Variants in FAM163A observed in about 807,000 individuals in gnomAD.
FAM163A encodes the protein family with sequence similarity 163 member A, also known as protein FAM163A.
In FAM163A, 7 loss-of-function variants were observed where a neutral mutation model predicts 12.0. The ratio of observed to expected loss-of-function variants is 0.58; its 90% CI spans 0.33 to 1.10. FAM163A has a LOEUF of 1.10. FAM163A is among the 50% of genes least tolerant of loss of function. The pLI, the probability that FAM163A is intolerant of heterozygous loss-of-function variation, is 0.03. For missense variants in FAM163A, 202 were observed against 218.6 expected, an observed-to-expected ratio of 0.92 and a Z score of 0.48; for synonymous variants, 101 against 91.0, an observed-to-expected ratio of 1.11 and a Z score of -0.62.
chr1:179,745,876 A>G (rs368195274), intron 1 of FAM163A, among the ~76,000 whole-genome samples: 1 of 152,160 alleles, frequency 6.6e-6, no homozygotes, highest in Non-Finnish European at 1.5e-5. Flanking sequence ...CTTTCTTCCA[A>G]TTAAGAACAG....
intron 1 of FAM163A, among the ~76,000 whole-genome samples, chr1:179,768,991 G>A (rs149145472): frequency 1.1e-4 from 16 of 152,256 alleles, no homozygotes; most frequent in African/African-American, 3.8e-4. Context: ...TTTTTAAAAA[G>A]ACTTTTAGAG....
At chr1:179,800,417 GT>G (rs1437777107) in intron 1 of FAM163A, among the ~76,000 whole-genome samples, 1 of 152,228 alleles carries the variant, frequency 6.6e-6, no homozygotes, top group African/African-American at 2.4e-5. Flanking sequence ...GAGCACCTCT[GT>G]TTATCTGCAG....
the FAM163A span, among the ~76,000 whole-genome samples, chr1:179,730,870 A>G: frequency 1.3e-5 from 2 of 152,238 alleles, no homozygotes; most frequent in Non-Finnish European, 2.9e-5. Flanking sequence ...TGGTAGGGAA[A>G]ACAACAGGAA....
intron 1 of FAM163A, among the ~76,000 whole-genome samples, chr1:179,801,145 A>G (rs2794586): frequency 0.34 from 51,072 of 152,010 alleles, 8,847 homozygotes; most frequent in Middle Eastern, 0.47. Context: ...TTGGATTGCC[A>G]CAGAGAAGAA....
chr1:179,792,283 T>TTGTGTGTGTGTGTGTG (rs3075152), intron 1 of FAM163A, among the ~76,000 whole-genome samples: 64 of 133,658 alleles, frequency 4.8e-4, no homozygotes, highest in African/African-American at 1.3e-3. Context: ...CCATATCTGA[T>TTGTGTGTGTGTGTGTG]TGTGTGTGTG....
At chr1:179,733,773 G>A in the FAM163A span, among the ~76,000 whole-genome samples, 1 of 152,166 alleles carries the variant, frequency 6.6e-6, no homozygotes, top group African/African-American at 2.4e-5. Context: ...TCACTCACCA[G>A]AATGCATGCT....
intron 1 of FAM163A, among the ~76,000 whole-genome samples, chr1:179,763,272 C>T (rs1176183827): frequency 6.6e-6 from 1 of 152,170 alleles, no homozygotes; most frequent in Non-Finnish European, 1.5e-5. Flanking sequence ...TGTAACTTTC[C>T]CTTACAAAAG....
chr1:179,744,701 C>T lies in FAM163A; in HGVS notation c.-136+1278C>T, dbSNP rs575210226. Among the ~76,000 whole-genome samples the T allele has an allele frequency of 8.7e-4, 132 of 152,258 alleles. 1 individual carries two copies. The highest frequency in any genetic ancestry group is 7.7e-3 in the Admixed American group (118 of 15,300). On this transcript the variant is annotated intron_variant, in intron 1 of 4. Coordinates refer to ENST00000341785, the MANE Select transcript of FAM163A (RefSeq NM_173509.3). ...ACCTGCAGGCGGAGGCCCGCAGGCACTTTCTCCTGTCATTTCGCCCACCTG... is the reference window on the plus strand; with the variant it reads ...ACCTGCAGGCGGAGGCCCGCAGGCATTTTCTCCTGTCATTTCGCCCACCTG...
chr1:179,733,123 T>A, the FAM163A span, among the ~76,000 whole-genome samples: 3 of 152,108 alleles, frequency 2.0e-5, no homozygotes, highest in African/African-American at 7.2e-5. Flanking sequence ...AGCTATCATG[T>A]ATTGCATTCT....
upstream of FAM163A, among the ~76,000 whole-genome samples, chr1:179,739,819 G>A (rs1683419460): frequency 6.6e-6 from 1 of 152,188 alleles, no homozygotes; most frequent in Non-Finnish European, 1.5e-5. Flanking sequence ...TCTGACATCA[G>A]TAGTCATTAG....
intron 1 of FAM163A, among the ~76,000 whole-genome samples, chr1:179,747,258 C>A (rs1684609837): frequency 6.6e-6 from 1 of 152,090 alleles, no homozygotes. Context: ...GTTGTCACTG[C>A]ATCAATCAGT....
chr1:179,806,391 A>C (rs1693939101), intron 1 of FAM163A, among the ~76,000 whole-genome samples: 1 of 152,198 alleles, frequency 6.6e-6, no homozygotes, highest in African/African-American at 2.4e-5. Flanking sequence ...CCAAGGCAGG[A>C]GCTGGGAGAG....
chr1:179,775,454 G>A (rs1688823973), intron 1 of FAM163A, among the ~76,000 whole-genome samples: 1 of 152,214 alleles, frequency 6.6e-6, no homozygotes. Context: ...TTAGGCATGG[G>A]AAGTTAGGGT....
At chr1:179,731,194 CAG>C in the FAM163A span, among the ~76,000 whole-genome samples, 402 of 152,220 alleles carry the variant, frequency 2.6e-3, 2 homozygotes, top group African/African-American at 8.9e-3. Flanking sequence ...AGTATACAGT[CAG>C]GGGACAAATA....
chr1:179,742,489 A>G (rs538691000), upstream of FAM163A: 1 of 152,308 alleles, frequency 6.6e-6, no homozygotes, highest in Non-Finnish European at 1.5e-5. Flanking sequence ...CAGGATCAAG[A>G]GAAAGATGAT....
At chr1:179,767,166 T>C (rs1687623590) in intron 1 of FAM163A, among the ~76,000 whole-genome samples, 1 of 152,140 alleles carries the variant, frequency 6.6e-6, no homozygotes, top group Non-Finnish European at 1.5e-5. Flanking sequence ...TCTAGTACAG[T>C]GAATCTGCCT....
At chr1:179,808,210 G>A (rs1694218374) in intron 2 of FAM163A, among the ~76,000 whole-genome samples, 3 of 152,222 alleles carry the variant, frequency 2.0e-5, no homozygotes, top group Admixed American at 2.0e-4. Context: ...GTTATCCTAT[G>A]ACTTTAGGCA....
intron 4 of FAM163A, among the ~76,000 whole-genome samples, 157 bp from the exon 5 acceptor site, chr1:179,813,622 G>A (rs533657501): frequency 1.6e-4 from 25 of 152,324 alleles, no homozygotes; most frequent in African/African-American, 5.5e-4. Context: ...GCCTTGCAAA[G>A]CTGGGATTAG....
At chr1:179,795,980 T>TATTATTATTATTA (rs1553226055) in intron 1 of FAM163A, among the ~76,000 whole-genome samples, 4 of 150,674 alleles carry the variant, frequency 2.7e-5, no homozygotes, top group Non-Finnish European at 3.0e-5. Context: ...TTATTATTAT[T>TATTATTATTATTA]TTACAACTGT....
Sources: allele counts gnomAD v4.1 joint callset (sites outside exome capture counted in the v4.1 genomes callset), GRCh38; gene constraint gnomAD v4.1.1; transcripts MANE v1.5; gene names NCBI Gene and HGNC (gene_info 2026-07-23, HGNC 2026-07-21).